RP1: variants seen among roughly 807,000 people sequenced by gnomAD.
The protein encoded by RP1 is oxygen-regulated protein 1.
RP1 carries 16 observed loss-of-function variants against 14.8 expected under a neutral mutation model. The ratio of observed to expected loss-of-function variants is 1.08; its 90% CI spans 0.73 to 1.65. The LOEUF (loss-of-function observed/expected upper bound fraction) is 1.65, where lower values mean the gene tolerates loss of function less well. Ranked by LOEUF, RP1 falls within the 40% of genes most tolerant of loss-of-function variation. RP1 has a pLI of 0.00. For synonymous variants in RP1, 876 were observed against 883.6 expected (o/e 0.99, Z 0.15); for missense variants, 2,631 against 2,535.0 (o/e 1.04, Z -0.81).
chr8:54,634,607 A>T (rs1163040710), downstream of RP1, among the ~76,000 whole-genome samples: 4 of 152,246 alleles, frequency 2.6e-5, no homozygotes, highest in East Asian at 5.8e-4. Context: ...GTGCTAAGTT[A>T]TTAAGGGACT....
At chr8:54,864,816 G>T (rs1563400392) in intron 27 of RP1, among the ~76,000 whole-genome samples, 1 of 152,188 alleles carries the variant, frequency 6.6e-6, no homozygotes, top group Non-Finnish European at 1.5e-5. Context: ...CTCAAGATCA[G>T]AAGTGCTTGT....
At position 54,630,449 on chromosome 8, in the gene RP1, TCCACTTCTTCAA is replaced by T; in HGVS notation, c.*97_*108del. ...CGGACTAGATAACCTCTAAGAATTTTCCACTTCTTCAAAATGAACTTACTCTAGAAAGCTTAC... is the reference window on the plus strand; with the variant it reads ...CGGACTAGATAACCTCTAAGAATTTTAATGAACTTACTCTAGAAAGCTTAC... On this transcript the variant is annotated 3_prime_UTR_variant, in exon 4 of 4. Coordinates refer to ENST00000220676, the MANE Select transcript of RP1 (RefSeq NM_006269.2). 1 of 1,544,868 alleles carries T rather than the reference TCCACTTCTTCAA, an allele frequency of 6.5e-7. No homozygotes were observed. Among genetic ancestry groups the T allele is most frequent in the Admixed American group, 2.0e-5 (1 of 49,308 alleles).
rs561992558 is a variant in RP1 at position 54,718,901 on chromosome 8, G to T, written c.2212-1228G>T. On this transcript the variant is annotated intron_variant, in intron 15 of 22. Transcript: ENST00000636932. ...TTAGGGCAGTACAGTTATTCTGTAT[G>T]CCATTGTAATAACAGATACAAGACA... Among the ~76,000 whole-genome samples the T allele has an allele frequency of 2.6e-5, 4 of 152,270 alleles. No homozygotes were observed. In the South Asian group the frequency reaches 8.3e-4, roughly 31 times the overall value.
At chr8:54,585,705 C>CT (rs1804904997) in intron 1 of RP1, among the ~76,000 whole-genome samples, 1 of 152,080 alleles carries the variant, frequency 6.6e-6, no homozygotes. Context: ...TCTTTTTATT[C>CT]TTTTTTCTCT....
intron 22 of RP1, among the ~76,000 whole-genome samples, chr8:54,761,204 C>A (rs1414023838): frequency 6.7e-6 from 1 of 149,822 alleles, no homozygotes; most frequent in Non-Finnish European, 1.5e-5. Flanking sequence ...CATTTCACAT[C>A]GTCACCCATC....
At chr8:54,865,248 G>A (rs1198391286) in intron 27 of RP1, among the ~76,000 whole-genome samples, 1 of 151,758 alleles carries the variant, frequency 6.6e-6, no homozygotes, top group Non-Finnish European at 1.5e-5. Context: ...ATTTCTTTGG[G>A]TTTTTAAGTT....
intron 24 of RP1, among the ~76,000 whole-genome samples, chr8:54,832,526 C>A (rs987421901): frequency 2.6e-5 from 4 of 151,772 alleles, no homozygotes; most frequent in African/African-American, 4.8e-5. Context: ...TTATATTCCT[C>A]TTTTCCTGTA....
At chr8:54,594,800 T>G (rs1805103256) in intron 1 of RP1, among the ~76,000 whole-genome samples, 1 of 152,140 alleles carries the variant, frequency 6.6e-6, no homozygotes, top group African/African-American at 2.4e-5. Flanking sequence ...TGCTAGGAAT[T>G]TAAATCAGAA....
At chr8:54,708,796 CT>C (rs1194186399) in intron 15 of RP1, among the ~76,000 whole-genome samples, 2 of 150,336 alleles carry the variant, frequency 1.3e-5, no homozygotes, top group Admixed American at 6.7e-5. Context: ...TTAGCAGAAT[CT>C]TTTTGTCCTA....
chr8:54,853,320 G>T (rs929453185), intron 26 of RP1, among the ~76,000 whole-genome samples: 4 of 152,170 alleles, frequency 2.6e-5, no homozygotes, highest in Non-Finnish European at 5.9e-5. Flanking sequence ...TGAGAGCAGT[G>T]ATCCCAGGAA....
chr8:54,628,637 T>C lies in RP1; in HGVS notation c.4755T>C (p.Ser1585=), dbSNP rs1158714773. ...SSPDLKKCIK[S]PVTSDWSDYR... is the part of the protein sequence containing the mutation. Reference sequence around the variant, plus strand: ...CTGATTTAAAAAAATGCATCAAAAGTCCAGTGACTTCTGATTGGTCAGACT... The same window carrying C: ...CTGATTTAAAAAAATGCATCAAAAGCCCAGTGACTTCTGATTGGTCAGACT... The change falls in exon 4 of 4, where the codon AGT becomes AGC. Residue 1585 remains serine (S), a synonymous_variant. Coordinates refer to ENST00000220676, the MANE Select transcript of RP1 (RefSeq NM_006269.2). 1 of 1,613,970 alleles carries C rather than the reference T, an allele frequency of 6.2e-7. No individual in the cohort carries two copies. Among genetic ancestry groups the C allele is most frequent in the Non-Finnish European group, 8.5e-7 (1 of 1,179,936 alleles).
At chr8:54,806,253 G>A (rs573334299) in intron 24 of RP1, among the ~76,000 whole-genome samples, 47 of 152,150 alleles carry the variant, frequency 3.1e-4, no homozygotes, top group African/African-American at 1.1e-3. Context: ...TCCTGACCTC[G>A]TGATCCACCC....
chr8:54,663,367 A>G (rs867519479), intron 6 of RP1, among the ~76,000 whole-genome samples: 1 of 152,168 alleles, frequency 6.6e-6, no homozygotes, highest in South Asian at 2.1e-4. Context: ...ATTGATATGG[A>G]AAGAAAAAAA....
intron 12 of RP1, among the ~76,000 whole-genome samples, chr8:54,681,901 C>T (rs190456822): frequency 2.0e-5 from 3 of 152,258 alleles, no homozygotes; most frequent in East Asian, 1.9e-4. Context: ...GCATAGTATT[C>T]CATGGTGGTT....
Position 54,627,069 on chromosome 8 carries a change from C to A in RP1, c.3187C>A (p.Gln1063Lys). Residue 1063 changes from glutamine (Q) to lysine (K), a missense_variant, in exon 4 of 4, where the codon CAA (glutamine) becomes AAA (lysine). By Grantham distance (53) the Gln-to-Lys change is moderately conservative. Coordinates refer to ENST00000220676, the MANE Select transcript of RP1 (RefSeq NM_006269.2). ...YQEINLARKR[Q>K]SVEAAIQVDP... ...GGAAATAAACCTAGCTAGAAAAAGGCAAAGTGTAGAGGCTGCCATTCAAGT... is the reference window on the plus strand; with the variant it reads ...GGAAATAAACCTAGCTAGAAAAAGGAAAAGTGTAGAGGCTGCCATTCAAGT... 6.2e-7 allele frequency: 1 copy of A among 1,614,014 alleles called. No homozygotes were observed. Among genetic ancestry groups the A allele is most frequent in the Non-Finnish European group, 8.5e-7 (1 of 1,179,966 alleles).
intron 23 of RP1, among the ~76,000 whole-genome samples, chr8:54,782,463 G>A (rs1351090938): frequency 2.0e-5 from 3 of 152,068 alleles, no homozygotes; most frequent in East Asian, 3.9e-4. Flanking sequence ...AGAACTTGGT[G>A]GGCAGAATAG....
At chr8:54,614,107 G>A (rs1030254723), upstream of RP1, among the ~76,000 whole-genome samples, 1 of 152,204 alleles carries the variant, frequency 6.6e-6, no homozygotes, top group Non-Finnish European at 1.5e-5. Context: ...TTATGGCCAG[G>A]GAAGTAGACA....
chr8:54,785,508 A>G (rs1563375895), intron 24 of RP1, among the ~76,000 whole-genome samples: 1 of 150,984 alleles, frequency 6.6e-6, no homozygotes, highest in Non-Finnish European at 1.5e-5. Flanking sequence ...TGAACATGTT[A>G]TTGTTTCACT....
At chr8:54,563,175 T>C (rs1179397207) in intron 1 of RP1, among the ~76,000 whole-genome samples, 1 of 152,254 alleles carries the variant, frequency 6.6e-6, no homozygotes, top group East Asian at 1.9e-4. Context: ...CAGGGCTGGC[T>C]TCCTGGTCTC....
Sources: allele counts gnomAD v4.1 joint callset (sites outside exome capture counted in the v4.1 genomes callset), GRCh38; gene constraint gnomAD v4.1.1; transcripts MANE v1.5; gene names NCBI Gene and HGNC (gene_info 2026-07-23, HGNC 2026-07-21).